PLCH1: variants seen among roughly 807,000 people sequenced by gnomAD.
PLCH1 encodes phospholipase C eta 1, also known as 1-phosphatidylinositol 4,5-bisphosphate phosphodiesterase eta-1.
In PLCH1, 60 loss-of-function variants were observed where a neutral mutation model predicts 126.7. That is an observed-to-expected ratio of 0.47 (90% CI 0.38 to 0.59). PLCH1 has a LOEUF of 0.59. Among genes scored for constraint, PLCH1 ranks in the 20% least tolerant of loss-of-function variants. The probability of loss-of-function intolerance (pLI) is 0.00; values close to 1 mark genes in which losing one functional copy is unlikely to be tolerated. For synonymous variants in PLCH1, 719 were observed against 734.9 expected (o/e 0.98, Z 0.35); for missense variants, 1,723 against 2,040.0 (o/e 0.84, Z 2.99).
chr3:155,561,403 G>A (rs1185084882), intron 8 of PLCH1, among the ~76,000 whole-genome samples: 2 of 151,230 alleles, frequency 1.3e-5, no homozygotes, highest in Non-Finnish European at 2.9e-5. Context: ...TTGTTCTTGC[G>A]ATAGTTTCCT....
At chr3:155,709,851 C>G (rs1344253526) in intron 1 of PLCH1, among the ~76,000 whole-genome samples, 1 of 152,160 alleles carries the variant, frequency 6.6e-6, no homozygotes, top group Non-Finnish European at 1.5e-5. Context: ...CTTCTGGGTT[C>G]AAGGGATCTT....
At chr3:155,463,319 G>A (rs1712799568) in intron 21 of PLCH1, among the ~76,000 whole-genome samples, 1 of 152,126 alleles carries the variant, frequency 6.6e-6, no homozygotes, top group Non-Finnish European at 1.5e-5. Context: ...CGGACATTTA[G>A]AACAAAACCA....
intron 2 of PLCH1, among the ~76,000 whole-genome samples, chr3:155,606,993 A>T (rs1040372686): frequency 1.3e-5 from 2 of 152,220 alleles, no homozygotes; most frequent in Non-Finnish European, 2.9e-5. Context: ...AAAAATTTAC[A>T]TCTTTAAAGA....
At chr3:155,505,892 C>A (rs58045832) in intron 12 of PLCH1, among the ~76,000 whole-genome samples, 1 of 120,990 alleles carries the variant, frequency 8.3e-6, no homozygotes, top group Non-Finnish European at 1.9e-5. Context: ...TCTTGGTCCG[C>A]TTTTTTTTTT....
intron 15 of PLCH1, among the ~76,000 whole-genome samples, chr3:155,495,867 A>T (rs1478604216): frequency 2.0e-5 from 3 of 152,228 alleles, no homozygotes; most frequent in Non-Finnish European, 4.4e-5. Context: ...GGCATAACCT[A>T]TTAACACAGT....
intron 10 of PLCH1, among the ~76,000 whole-genome samples, chr3:155,537,412 A>C (rs1405261928): frequency 6.6e-6 from 1 of 152,114 alleles, no homozygotes; most frequent in African/African-American, 2.4e-5. Context: ...ACAAATTTTG[A>C]ATGTAGATGG....
chr3:155,720,440 T>C (rs1747868493), intron 1 of PLCH1, among the ~76,000 whole-genome samples: 1 of 152,212 alleles, frequency 6.6e-6, no homozygotes, highest in Admixed American at 6.5e-5. Context: ...TATTGCATTG[T>C]GGTTTTGATT....
intron 15 of PLCH1, among the ~76,000 whole-genome samples, chr3:155,495,748 T>C (rs930628812): frequency 6.6e-6 from 1 of 152,026 alleles, no homozygotes; most frequent in Non-Finnish European, 1.5e-5. Flanking sequence ...GTTAGAAGAG[T>C]CAGGAATACA....
chr3:155,575,378 G>A (rs967530998), intron 6 of PLCH1, among the ~76,000 whole-genome samples: 5 of 152,108 alleles, frequency 3.3e-5, no homozygotes, highest in African/African-American at 1.2e-4. Context: ...GGGCACATAT[G>A]ATTCCTATAA....
chr3:155,553,977 A>C, intron 9 of PLCH1, 99 bp downstream of exon 9: 5 of 1,106,440 alleles, frequency 4.5e-6, no homozygotes, highest in South Asian at 1.6e-5. Flanking sequence ...AGGGCAGTGT[A>C]GAGTCCAAGG....
intron 21 of PLCH1, among the ~76,000 whole-genome samples, chr3:155,462,045 T>C (rs1368246904): frequency 6.6e-6 from 1 of 152,234 alleles, no homozygotes; most frequent in Non-Finnish European, 1.5e-5. Context: ...GTGATCCTCA[T>C]TCCCAGGCAG....
chr3:155,517,909 G>A (rs1720571410), intron 11 of PLCH1, among the ~76,000 whole-genome samples: 1 of 152,180 alleles, frequency 6.6e-6, no homozygotes, highest in Admixed American at 6.5e-5. Context: ...GGAGAAATGA[G>A]CCACAGGGAA....
At chr3:155,513,525 C>G (rs1267977687) in intron 12 of PLCH1, among the ~76,000 whole-genome samples, 1 of 152,164 alleles carries the variant, frequency 6.6e-6, no homozygotes, top group Admixed American at 6.5e-5. Context: ...AATGAGAGTT[C>G]ACCAAGGACA....
At chr3:155,587,873 C>T (rs1028389987) in intron 4 of PLCH1, among the ~76,000 whole-genome samples, 2 of 152,212 alleles carry the variant, frequency 1.3e-5, no homozygotes, top group Admixed American at 1.3e-4. Flanking sequence ...AAGGCAAGTA[C>T]TGCGTGCATA....
At chr3:155,555,293 C>G (rs1726678540) in intron 8 of PLCH1, among the ~76,000 whole-genome samples, 1 of 152,192 alleles carries the variant, frequency 6.6e-6, no homozygotes, top group African/African-American at 2.4e-5. Flanking sequence ...TATTTCCTAG[C>G]CTTCCTTTGC....
chr3:155,724,519 T>C (rs912612572), intron 1 of PLCH1, among the ~76,000 whole-genome samples: 6 of 152,244 alleles, frequency 3.9e-5, no homozygotes, highest in East Asian at 1.9e-4. Flanking sequence ...TTTTAACTGC[T>C]GTTGCTTTAA....
chr3:155,578,729 T>C (rs1730289841), intron 6 of PLCH1, among the ~76,000 whole-genome samples: 1 of 152,162 alleles, frequency 6.6e-6, no homozygotes, highest in Non-Finnish European at 1.5e-5. Flanking sequence ...ATTCTAACCA[T>C]GTACAGATTT....
Position 155,514,847 on chromosome 3 carries a change from A to G in PLCH1, c.1508T>C (p.Ile503Thr), listed in dbSNP as rs754651239. The change falls in exon 12 of 23, where the codon ATA (isoleucine) becomes ACA (threonine). Residue 503 changes from isoleucine to threonine, a missense_variant. Ile to Thr is a moderately conservative substitution (Grantham distance 89). Transcript: ENST00000460012. The part of the protein sequence containing the change: ...GTTEHQVESF[I>T]RKKLESLLKE... ...TAACAGTGACTCCAGTTTTTTCCTT[A>G]TGAAAGATTCCACCTGATGCTCAGT... 1 of 1,611,266 alleles carries G rather than the reference A, an allele frequency of 6.2e-7. No individual in the cohort carries two copies. The highest frequency in any genetic ancestry group is 1.1e-5 in the South Asian group (1 of 90,734).
intron 1 of PLCH1, among the ~76,000 whole-genome samples, chr3:155,719,956 C>G (rs188235108): frequency 6.6e-6 from 1 of 151,898 alleles, no homozygotes; most frequent in Non-Finnish European, 1.5e-5. Flanking sequence ...CCACCATGCC[C>G]GGCTAATTTT....
Sources: allele counts gnomAD v4.1 joint callset (sites outside exome capture counted in the v4.1 genomes callset), GRCh38; gene constraint gnomAD v4.1.1; transcripts MANE v1.5; gene names NCBI Gene and HGNC (gene_info 2026-07-23, HGNC 2026-07-21).